PLCE1: variants seen among roughly 807,000 people sequenced by gnomAD.
PLCE1 encodes the protein phospholipase C epsilon 1, also known as 1-phosphatidylinositol 4,5-bisphosphate phosphodiesterase epsilon-1.
A neutral mutation model predicts 242.8 loss-of-function variants in PLCE1; 119 were observed. The ratio of observed to expected loss-of-function variants is 0.49; its 90% CI spans 0.42 to 0.57. PLCE1 has a LOEUF of 0.57. Ranked by LOEUF, PLCE1 falls within the 20% of genes least tolerant of loss-of-function variation. The probability of loss-of-function intolerance (pLI) is 0.00; values close to 1 mark genes in which losing one functional copy is unlikely to be tolerated. For missense variants in PLCE1, 2,441 were observed against 2,788.8 expected (o/e 0.88, Z 2.81); for synonymous variants, 945 against 1,017.4 (o/e 0.93, Z 1.35).
intron 1 of PLCE1, among the ~76,000 whole-genome samples, chr10:94,013,600 G>A (rs978435500): frequency 6.6e-6 from 1 of 152,208 alleles, no homozygotes; most frequent in African/African-American, 2.4e-5. Context: ...GAGGCCTTGA[G>A]AATGGGCAGT....
chr10:94,023,374 C>G (rs1198336434), intron 1 of PLCE1, among the ~76,000 whole-genome samples: 1 of 152,198 alleles, frequency 6.6e-6, no homozygotes, highest in South Asian at 2.1e-4. Flanking sequence ...GCCCACTTTT[C>G]TCTCTTTTCA....
intron 22 of PLCE1, among the ~76,000 whole-genome samples, chr10:94,285,563 C>T (rs1314976697): frequency 1.3e-5 from 2 of 152,122 alleles, no homozygotes. Context: ...TGGCTTTCTC[C>T]CCTTTATTCC....
At chr10:94,268,600 C>T (rs181281454) in intron 16 of PLCE1, among the ~76,000 whole-genome samples, 9 of 152,322 alleles carry the variant, frequency 5.9e-5, no homozygotes, top group Non-Finnish European at 1.2e-4. Context: ...ATAGAGAGCA[C>T]TTGCCTGGCT....
At chr10:94,173,183 C>T (rs772937705) in intron 4 of PLCE1, among the ~76,000 whole-genome samples, 1 of 152,126 alleles carries the variant, frequency 6.6e-6, no homozygotes, top group Non-Finnish European at 1.5e-5. Flanking sequence ...GGTTTAAGCC[C>T]ACAAAGTCAG....
intron 27 of PLCE1, among the ~76,000 whole-genome samples, chr10:94,313,033 A>C (rs2053437212): frequency 6.6e-6 from 1 of 152,228 alleles, no homozygotes; most frequent in Non-Finnish European, 1.5e-5. Context: ...GGAAAGAGAC[A>C]CTGTAATTTA....
rs183919560 is a variant in PLCE1 at position 94,030,882 on chromosome 10, T to C, written c.-165T>C. 798 of 677,556 alleles carry C rather than the reference T, an allele frequency of 1.2e-3. 2 individuals are homozygous for C. The African/African-American group carries it at 0.012, about 10-fold the overall frequency. 42.0% of individuals were successfully genotyped at this position (677,556 alleles called of 1,614,324 possible). On this transcript the variant is annotated 5_prime_UTR_variant, in exon 2 of 33. Coordinates refer to ENST00000371380, the MANE Select transcript of PLCE1 (RefSeq NM_016341.4). The stretch of plus-strand genomic sequence containing the variant: ...ATAGGAAGTTATAACTAAGAAAATT[T>C]ATTTGCCTCTTAATGCTCCTGAATG...
intron 4 of PLCE1, among the ~76,000 whole-genome samples, 179 bp downstream of exon 4, chr10:94,171,675 C>G (rs2047983661): frequency 6.6e-6 from 1 of 152,136 alleles, no homozygotes; most frequent in Admixed American, 6.5e-5. Context: ...AATCCTTCCT[C>G]TCACTGTACC....
chr10:94,281,674 T>C (rs550204212), intron 20 of PLCE1, among the ~76,000 whole-genome samples: 1 of 152,208 alleles, frequency 6.6e-6, no homozygotes, highest in African/African-American at 2.4e-5. Flanking sequence ...TGCGAAGTGT[T>C]TGGTGATGTT....
intron 1 of PLCE1, among the ~76,000 whole-genome samples, chr10:94,005,969 T>A (rs190722453): frequency 6.6e-6 from 1 of 152,322 alleles, no homozygotes; most frequent in Admixed American, 6.5e-5. Context: ...GACAAAGGTC[T>A]CAAGAAATAC....
At chr10:94,057,060 A>G (rs1259702852) in intron 2 of PLCE1, among the ~76,000 whole-genome samples, 1 of 152,154 alleles carries the variant, frequency 6.6e-6, no homozygotes, top group Non-Finnish European at 1.5e-5. Flanking sequence ...CAGGTGATAG[A>G]CATTTGGATT....
At chr10:94,067,763 G>T (rs540410051) in intron 2 of PLCE1, among the ~76,000 whole-genome samples, 1 of 152,310 alleles carries the variant, frequency 6.6e-6, no homozygotes, top group South Asian at 2.1e-4. Flanking sequence ...CAGAGTAAAA[G>T]AAATACTCCT....
At chr10:94,239,188 G>A (rs2050418456) in intron 7 of PLCE1, among the ~76,000 whole-genome samples, 1 of 152,154 alleles carries the variant, frequency 6.6e-6, no homozygotes, top group Non-Finnish European at 1.5e-5. Context: ...AAGTTCTGAG[G>A]GTGATATGGT....
chr10:94,050,510 A>G (rs931408226), intron 2 of PLCE1, among the ~76,000 whole-genome samples: 2 of 152,154 alleles, frequency 1.3e-5, no homozygotes, highest in Middle Eastern at 6.8e-3. Flanking sequence ...CACAAAGCCA[A>G]ACTATATTAC....
chr10:94,036,297 C>T (rs962921787), intron 2 of PLCE1, among the ~76,000 whole-genome samples: 2 of 152,164 alleles, frequency 1.3e-5, no homozygotes, highest in Non-Finnish European at 2.9e-5. Context: ...TGTGTCTTCT[C>T]ACTCAGGGAT....
chr10:94,043,938 C>T (rs1021322734), intron 2 of PLCE1, among the ~76,000 whole-genome samples: 1 of 151,950 alleles, frequency 6.6e-6, no homozygotes, highest in South Asian at 2.1e-4. Flanking sequence ...TGAGACTGAC[C>T]CAGGAAATCC....
At chr10:94,151,646 C>T (rs115320583) in intron 3 of PLCE1, among the ~76,000 whole-genome samples, 51 of 152,198 alleles carry the variant, frequency 3.4e-4, no homozygotes, top group African/African-American at 1.2e-3. Context: ...TTGAGGTGAG[C>T]TTTCTTAGGA....
chr10:94,224,583 T>C (rs1427518135), intron 4 of PLCE1, among the ~76,000 whole-genome samples: 2 of 152,354 alleles, frequency 1.3e-5, no homozygotes, highest in South Asian at 2.1e-4. Context: ...ACTGTTTTTT[T>C]ACTTTTCAGG....
intron 4 of PLCE1, among the ~76,000 whole-genome samples, chr10:94,202,584 T>C (rs577093018): frequency 1.3e-5 from 2 of 152,276 alleles, no homozygotes; most frequent in South Asian, 2.1e-4. Flanking sequence ...CTGCCTAGGA[T>C]ATTTCCCCCA....
At chr10:94,264,093 C>A (rs1047884086) in intron 14 of PLCE1, among the ~76,000 whole-genome samples, 2 of 151,920 alleles carry the variant, frequency 1.3e-5, no homozygotes, top group African/African-American at 2.4e-5. Context: ...AGGCAGACAA[C>A]AAAGATACGA....
Sources: allele counts gnomAD v4.1 joint callset (sites outside exome capture counted in the v4.1 genomes callset), GRCh38; gene constraint gnomAD v4.1.1; transcripts MANE v1.5; gene names NCBI Gene and HGNC (gene_info 2026-07-23, HGNC 2026-07-21).